The following ZYG11A variants were observed in gnomAD, a reference collection of about 807,000 sequenced individuals.
ZYG11A encodes zyg-11 family member A, cell cycle regulator.
Under a neutral mutation model 77.2 loss-of-function variants are expected in ZYG11A, and 62 were observed. The ratio of observed to expected loss-of-function variants is 0.80; its 90% CI spans 0.65 to 0.99. The LOEUF is 0.99. Among genes scored for constraint, ZYG11A ranks in the 50% least tolerant of loss-of-function variants. The pLI, the probability that ZYG11A is intolerant of heterozygous loss-of-function variation, is 0.00. For missense variants in ZYG11A, 828 were observed against 896.8 expected, an observed-to-expected ratio of 0.92 and a Z score of 0.98; for synonymous variants, 315 against 324.6, an observed-to-expected ratio of 0.97 and a Z score of 0.32.
At chr1:52,888,059 A>G (rs1646480275) in intron 13 of ZYG11A, among the ~76,000 whole-genome samples, 1 of 152,226 alleles carries the variant, frequency 6.6e-6, no homozygotes, top group South Asian at 2.1e-4. Context: ...CAAAAATCAG[A>G]AAATGTAATT....
At chr1:52,850,630 A>G (rs1645691565) in intron 1 of ZYG11A, among the ~76,000 whole-genome samples, 1 of 151,682 alleles carries the variant, frequency 6.6e-6, no homozygotes, top group Non-Finnish European at 1.5e-5. Context: ...TAATTTTTGT[A>G]TTTTTAATAG....
At chr1:52,863,532 T>A (rs1351050857) in intron 4 of ZYG11A, among the ~76,000 whole-genome samples, 1 of 152,228 alleles carries the variant, frequency 6.6e-6, no homozygotes, top group African/African-American at 2.4e-5. Flanking sequence ...ACTCTTTCCA[T>A]AACTACCTCA....
rs2149995074 is a variant in ZYG11A at position 52,857,318 on chromosome 1, T to C, written c.577T>C (p.Phe193Leu). 1 of 1,551,912 alleles carries C rather than the reference T, an allele frequency of 6.4e-7. No homozygotes were observed. The highest frequency in any genetic ancestry group is 1.2e-5 in the South Asian group (1 of 84,068). ...CATTTTAAGTGTTTTTAATGTTTGT[T>C]TTCATACTGAAGACCTGGCTAATGT... ...LRILSVFNVC[F>L]HTEDLANVSQ... Residue 193 changes from phenylalanine to leucine, a missense_variant, in exon 3 of 14, where the codon TTT becomes CTT. Physicochemically the swap from Phe to Leu is conservative, Grantham distance 22 (BLOSUM62 0). Transcript: ENST00000371528.
At chr1:52,869,185 G>A (rs2150007091) in intron 8 of ZYG11A, among the ~76,000 whole-genome samples, 1 of 120,636 alleles carries the variant, frequency 8.3e-6, no homozygotes, top group African/African-American at 3.1e-5. Flanking sequence ...TTTCTTTTGG[G>A]TTACTGACTT....
At chr1:52,878,842 G>C (rs1460936890) in intron 10 of ZYG11A, among the ~76,000 whole-genome samples, 1 of 151,412 alleles carries the variant, frequency 6.6e-6, no homozygotes, top group Non-Finnish European at 1.5e-5. Flanking sequence ...GGGAGGCTGA[G>C]GCAGGAGAAT....
At position 52,860,889 on chromosome 1, in the gene ZYG11A, A is replaced by G. The variant is rs1174074552; in HGVS notation, c.1149+18A>G. The G allele has an allele frequency of 5.8e-6, 9 of 1,547,354 alleles. No individual in the cohort carries two copies. The highest frequency in any genetic ancestry group is 4.1e-5 in the African/African-American group (3 of 72,872). ...TTTTAAAGGTAATTGAAGGAAGACA[A>G]TTTTTACTATTACTTCTTAACTTGG... is the stretch of plus-strand genomic sequence containing the variant. On this transcript the variant is annotated intron_variant, in intron 4 of 13. Coordinates refer to ENST00000371528, the MANE Select transcript of ZYG11A (RefSeq NM_001004339.3).
At chr1:52,847,195 T>C (rs1303423176) in intron 1 of ZYG11A, among the ~76,000 whole-genome samples, 1 of 152,130 alleles carries the variant, frequency 6.6e-6, no homozygotes, top group Non-Finnish European at 1.5e-5. Context: ...GCCTCCTGAA[T>C]AGCTGGGATT....
intron 8 of ZYG11A, among the ~76,000 whole-genome samples, chr1:52,869,967 C>CCCA (rs1261457240): frequency 6.8e-6 from 1 of 146,216 alleles, no homozygotes; most frequent in African/African-American, 2.7e-5. Context: ...GGGGCTGACC[C>CCCA]CCCCCCACCC....
At chr1:52,863,362 A>C (rs890963812) in intron 4 of ZYG11A, among the ~76,000 whole-genome samples, 1 of 152,120 alleles carries the variant, frequency 6.6e-6, no homozygotes, top group Admixed American at 6.5e-5. Flanking sequence ...GATTTATCCC[A>C]TCCTTTTTTT....
At chr1:52,892,751 C>G in intron 13 of ZYG11A, 31 bp from the exon 14 acceptor site, 2 of 1,542,180 alleles carry the variant, frequency 1.3e-6, no homozygotes, top group Non-Finnish European at 1.8e-6. Flanking sequence ...GCCAGTTGTC[C>G]ATGGAGTGTC....
chr1:52,868,504 G>A (rs932027766), intron 8 of ZYG11A, among the ~76,000 whole-genome samples: 15 of 152,094 alleles, frequency 9.9e-5, no homozygotes, highest in Non-Finnish European at 7.4e-5. Context: ...TCACTGGGCC[G>A]GGTGCTGTGG....
At chr1:52,852,158 C>T (rs1645725785) in intron 1 of ZYG11A, among the ~76,000 whole-genome samples, 1 of 151,464 alleles carries the variant, frequency 6.6e-6, no homozygotes, top group Non-Finnish European at 1.5e-5. Context: ...TCATGATCCA[C>T]CCACCTCAGC....
chr1:52,885,774 T>G (rs1225423574), intron 11 of ZYG11A, 59 bp from the exon 12 acceptor site: 1 of 1,321,888 alleles, frequency 7.6e-7, no homozygotes, highest in Non-Finnish European at 1.0e-6. Flanking sequence ...TTTTGAAACA[T>G]TTTGTTGTAA....
Position 52,867,586 on chromosome 1 carries a change from A to C in ZYG11A, c.1439A>C (p.Asn480Thr). 1 of 1,551,962 alleles carries C rather than the reference A, an allele frequency of 6.4e-7. No individual in the cohort carries two copies. Among genetic ancestry groups the C allele is most frequent in the Non-Finnish European group, 8.7e-7 (1 of 1,147,066 alleles). Residue 480 changes from asparagine (N) to threonine (T), a missense_variant, in exon 7 of 14, where the codon AAC becomes ACC. Asn to Thr is a moderately conservative substitution (Grantham distance 65). Coordinates refer to ENST00000371528, the MANE Select transcript of ZYG11A (RefSeq NM_001004339.3). ...ATGAGATGGCTCTGTAAGCATGAAA[A>C]CCCCAAGATGCAAACAATGGCAGTG... ...FVMRWLCKHENPKMQTMAVSV... is the reference protein window; with the variant it reads ...FVMRWLCKHETPKMQTMAVSV...
chr1:52,873,317 A>G (rs1431470808), intron 8 of ZYG11A, among the ~76,000 whole-genome samples: 2 of 152,330 alleles, frequency 1.3e-5, no homozygotes, highest in East Asian at 1.9e-4. Context: ...TGTCTCAAAA[A>G]CAAACAAAAA....
In ZYG11A at chr1:52,866,534, A is replaced by AT; in HGVS notation, c.1360dup (p.Ser454PhefsTer10). 6.5e-7 allele frequency: 1 copy of AT among 1,542,346 alleles called. No individual in the cohort carries two copies. The highest frequency in any genetic ancestry group is 2.5e-5 in the East Asian group (1 of 40,802). ...AAGAATTGTCTTCTCTCCTTAACCAATTCCAGGATTCTTGTGGATGTTCCA... is the reference window on the plus strand; with the variant it reads ...AAGAATTGTCTTCTCTCCTTAACCAATTTCCAGGATTCTTGTGGATGTTCCA... On this transcript the variant is annotated frameshift_variant, in exon 6 of 14. Coordinates refer to ENST00000371528, the MANE Select transcript of ZYG11A (RefSeq NM_001004339.3). LOFTEE classifies it high-confidence loss of function.
Position 52,894,190 on chromosome 1 carries a change from T to A in ZYG11A, c.*1233T>A, listed in dbSNP as rs576220740. 1 of 152,144 alleles carries A rather than the reference T, an allele frequency of 6.6e-6. No individual in the cohort carries two copies. Among genetic ancestry groups the A allele is most frequent in the East Asian group, 1.9e-4 (1 of 5,190 alleles). The allele number at this position is 152,144 out of a possible 1,614,324, so 9.4% of individuals were successfully genotyped here. A position where few individuals can be genotyped will look rare whatever the true frequency, so the allele number is the denominator to read the frequency against. On this transcript the variant is annotated 3_prime_UTR_variant, in exon 14 of 14. Coordinates refer to ENST00000371528, the MANE Select transcript of ZYG11A (RefSeq NM_001004339.3). ...CATGCTGTGTATGTGAGTGAGCTTGTAGGGCGTGGTGGGACTTAGGCATTT... is the reference window on the plus strand; with the variant it reads ...CATGCTGTGTATGTGAGTGAGCTTGAAGGGCGTGGTGGGACTTAGGCATTT...
intron 8 of ZYG11A, among the ~76,000 whole-genome samples, chr1:52,871,877 C>T (rs548148050): frequency 1.3e-5 from 2 of 152,274 alleles, no homozygotes; most frequent in East Asian, 1.9e-4. Flanking sequence ...CCTGTAATTT[C>T]CCCTATCTTG....
At chr1:52,878,964 A>C (rs1040909233) in intron 10 of ZYG11A, among the ~76,000 whole-genome samples, 4 of 149,460 alleles carry the variant, frequency 2.7e-5, no homozygotes, top group African/African-American at 4.9e-5. Flanking sequence ...AAAAAAAAAA[A>C]AAAAAAAAAA....
Sources: gnomAD v4.1 joint callset for allele counts (sites outside exome capture counted in the v4.1 genomes callset) on GRCh38, gnomAD v4.1.1 for gene constraint, MANE v1.5 for transcripts, NCBI Gene and HGNC (gene_info 2026-07-23, HGNC 2026-07-21) for gene names.